The following P4HA3 variants were observed in gnomAD, a reference collection of about 807,000 sequenced individuals.
P4HA3 encodes the protein prolyl 4-hydroxylase subunit alpha 3, also known as prolyl 4-hydroxylase subunit alpha-3.
A neutral mutation model predicts 66.7 loss-of-function variants in P4HA3; 60 were observed. The observed-to-expected ratio is 0.90, with a 90% CI of 0.73 to 1.12. The LOEUF (loss-of-function observed/expected upper bound fraction) is 1.12, where lower values mean the gene tolerates loss of function less well. Among genes scored for constraint, P4HA3 ranks in the 50% most tolerant of loss-of-function variants. P4HA3 has a pLI of 0.00. For synonymous variants in P4HA3, 263 were observed against 274.6 expected (o/e 0.96, Z 0.42); for missense variants, 683 against 685.8 (o/e 1.00, Z 0.05).
At chr11:74,291,881 A>G (rs1486076046) in intron 4 of P4HA3, among the ~76,000 whole-genome samples, 1 of 152,144 alleles carries the variant, frequency 6.6e-6, no homozygotes, top group East Asian at 1.9e-4. Flanking sequence ...ATCAATGTTC[A>G]TCAAGGATAT....
At chr11:74,283,713 A>T (rs1860686529) in intron 7 of P4HA3, among the ~76,000 whole-genome samples, 1 of 152,128 alleles carries the variant, frequency 6.6e-6, no homozygotes, top group African/African-American at 2.4e-5. Flanking sequence ...AACATACCAC[A>T]TATCAGGCCC....
chr11:74,289,549 C>T (rs1425587054), intron 4 of P4HA3, among the ~76,000 whole-genome samples: 4 of 151,092 alleles, frequency 2.6e-5, no homozygotes, highest in Non-Finnish European at 5.9e-5. Context: ...CACCCATTAA[C>T]TCGTCATTTA....
At chr11:74,269,812 T>G in intron 10 of P4HA3, 92 bp from the exon 11 acceptor site, 1 of 1,250,070 alleles carries the variant, frequency 8.0e-7, no homozygotes, top group Non-Finnish European at 1.1e-6. Context: ...TTCCTTCTCA[T>G]GGTCTTTTCT....
At chr11:74,253,011 G>T (rs969826405) in intron 15 of P4HA3, among the ~76,000 whole-genome samples, 2 of 152,132 alleles carry the variant, frequency 1.3e-5, no homozygotes, top group Non-Finnish European at 2.9e-5. Flanking sequence ...TTTGGTGAGG[G>T]CTTGGGGAAA....
downstream of P4HA3, among the ~76,000 whole-genome samples, chr11:74,262,775 G>T (rs962701500): frequency 2.6e-5 from 4 of 152,078 alleles, no homozygotes; most frequent in Non-Finnish European, 5.9e-5. Flanking sequence ...CTACACTCAG[G>T]CTCCTTTGGC....
At chr11:74,264,387 T>A (rs537344634), downstream of P4HA3, among the ~76,000 whole-genome samples, 1 of 152,248 alleles carries the variant, frequency 6.6e-6, no homozygotes, top group Admixed American at 6.5e-5. Flanking sequence ...CAAAGCCTGG[T>A]CTCTCCTTCT....
In P4HA3 at chr11:74,251,177, G is replaced by T. The variant is rs1859649871; in HGVS notation, c.*1319-3176C>A. ...CCAGCTCTCCAACTTCTCCCTGGCAGCTGCTTATGGTATTGGTTTTGTGTA... is the reference window on the plus strand; with the variant it reads ...CCAGCTCTCCAACTTCTCCCTGGCATCTGCTTATGGTATTGGTTTTGTGTA... On this transcript the variant is annotated intron_variant and NMD_transcript_variant, in intron 15 of 15. Transcript: ENST00000524388. 6 of 1,462,064 alleles carry T rather than the reference G, an allele frequency of 4.1e-6. No individual in the cohort carries two copies. The Admixed American group carries it at 1.4e-4, about 35-fold the overall frequency. 90.6% of individuals were successfully genotyped at this position (1,462,064 alleles called of 1,614,324 possible).
At chr11:74,296,997 T>C (rs1288383528) in intron 4 of P4HA3, among the ~76,000 whole-genome samples, 2 of 150,054 alleles carry the variant, frequency 1.3e-5, no homozygotes, top group East Asian at 3.9e-4. Context: ...AATAGCTCGA[T>C]CTCTGCTCAC....
chr11:74,283,648 C>T (rs1455451421), intron 7 of P4HA3, among the ~76,000 whole-genome samples: 1 of 152,222 alleles, frequency 6.6e-6, no homozygotes, highest in Admixed American at 6.5e-5. Flanking sequence ...TTTCCTATCA[C>T]CTCTCGCCCC....
intron 15 of P4HA3, among the ~76,000 whole-genome samples, chr11:74,253,183 C>T (rs189596204): frequency 6.6e-6 from 1 of 152,238 alleles, no homozygotes; most frequent in Non-Finnish European, 1.5e-5. Flanking sequence ...ACCACAGAAG[C>T]GACACCCCTA....
intron 7 of P4HA3, among the ~76,000 whole-genome samples, chr11:74,280,292 C>G (rs1860547852): frequency 2.6e-5 from 4 of 151,478 alleles, no homozygotes; most frequent in Admixed American, 2.6e-4. Flanking sequence ...TAGCTGGGAC[C>G]ATAGGCACAT....
At chr11:74,259,702 T>TA (rs1175642501) in intron 15 of P4HA3, 8 of 152,264 alleles carry the variant, frequency 5.3e-5, no homozygotes, top group African/African-American at 1.9e-4. Flanking sequence ...GTGTCTGGCT[T>TA]ATTTCATTTA....
chr11:74,304,056 A>G (rs911648449), intron 2 of P4HA3, among the ~76,000 whole-genome samples: 9 of 152,216 alleles, frequency 5.9e-5, no homozygotes, highest in Non-Finnish European at 1.2e-4. Flanking sequence ...ACATCAAATG[A>G]GACAATTGAT....
At chr11:74,303,064 A>G (rs968969980) in intron 2 of P4HA3, among the ~76,000 whole-genome samples, 11 of 151,970 alleles carry the variant, frequency 7.2e-5, no homozygotes, top group African/African-American at 2.4e-4. Context: ...TGAGCCTCTC[A>G]CCTCAGCCTT....
intron 4 of P4HA3, among the ~76,000 whole-genome samples, chr11:74,295,507 A>C (rs1341320594): frequency 6.6e-6 from 1 of 152,252 alleles, no homozygotes; most frequent in Non-Finnish European, 1.5e-5. Flanking sequence ...GATAAAAGCA[A>C]TAATAAGCAC....
intron 7 of P4HA3, among the ~76,000 whole-genome samples, 156 bp from the exon 8 acceptor site, chr11:74,279,608 AC>A (rs1429214305): frequency 6.6e-6 from 1 of 152,230 alleles, no homozygotes; most frequent in Admixed American, 6.5e-5. Context: ...TAATTTAGTG[AC>A]AGCTATCAAT....
intron 11 of P4HA3, among the ~76,000 whole-genome samples, chr11:74,269,076 A>C (rs1206687011): frequency 6.6e-6 from 1 of 152,196 alleles, no homozygotes; most frequent in Non-Finnish European, 1.5e-5. Flanking sequence ...GATCTCGTTT[A>C]GTTATCTTCA....
chr11:74,266,072 G>A (rs1408834548), downstream of P4HA3, among the ~76,000 whole-genome samples: 1 of 152,164 alleles, frequency 6.6e-6, no homozygotes, highest in East Asian at 1.9e-4. Flanking sequence ...GTCAGCAGTG[G>A]AAAGACTGAG....
At chr11:74,272,172 A>G (rs567495074) in intron 10 of P4HA3, among the ~76,000 whole-genome samples, 1 of 152,252 alleles carries the variant, frequency 6.6e-6, no homozygotes, top group Admixed American at 6.5e-5. Context: ...CCAAATGCAC[A>G]TGCATGCACA....
Sources: allele counts gnomAD v4.1 joint callset (sites outside exome capture counted in the v4.1 genomes callset), GRCh38; gene constraint gnomAD v4.1.1; transcripts MANE v1.5; gene names NCBI Gene and HGNC (gene_info 2026-07-23, HGNC 2026-07-21).